Variants in PBX3 observed in about 807,000 individuals in gnomAD.
PBX3 encodes PBX homeobox 3.
PBX3 carries 14 observed loss-of-function variants against 48.5 expected under a neutral mutation model. That is an observed-to-expected ratio of 0.29 (90% CI 0.19 to 0.45). The LOEUF is 0.45. Ranked by LOEUF, PBX3 falls within the 20% of genes least tolerant of loss-of-function variation. The probability of loss-of-function intolerance (pLI) is 1.00; values close to 1 mark genes in which losing one functional copy is unlikely to be tolerated. For synonymous variants in PBX3, 210 were observed against 200.3 expected (o/e 1.05, Z -0.41); for missense variants, 386 against 546.7 (o/e 0.71, Z 2.93).
Position 125,780,172 on chromosome 9 carries a change from C to T in PBX3, c.274+31549C>T, listed in dbSNP as rs577578373. 5.1e-5 allele frequency among the ~76,000 whole-genome samples: 7 copies of T among 136,548 alleles called. No homozygotes were observed. The East Asian group carries it at 7.8e-4, about 15-fold the overall frequency. The allele number at this position is 136,548 out of a possible 152,430, so 89.6% of individuals were successfully genotyped here. A position where few individuals can be genotyped will look rare whatever the true frequency, so the allele number is the denominator to read the frequency against. The stretch of plus-strand genomic sequence containing the variant: ...GGCGCCCCTCACCTCCCGGACGGGG[C>T]GGCTGGCCGGGCGAGGTGCTGATCC... On this transcript the variant is annotated intron_variant, in intron 2 of 8. Transcript: ENST00000373489.
intron 3 of PBX3, among the ~76,000 whole-genome samples, chr9:125,921,608 T>C (rs185309725): frequency 2.6e-5 from 4 of 152,200 alleles, no homozygotes; most frequent in Admixed American, 2.0e-4. Context: ...AGGTAAGAAG[T>C]GTTGAGGTAC....
In PBX3 at chr9:125,845,334, A is replaced by G. The variant is rs1433324100; in HGVS notation, c.275-70352A>G. On this transcript the variant is annotated intron_variant, in intron 2 of 8. Coordinates refer to ENST00000373489, the MANE Select transcript of PBX3 (RefSeq NM_006195.6). ...ATAGTTTTCTTTTTAGGATGCATAC[A>G]GTTGCATACATTACGCTTTGAAAAA... Among the ~76,000 whole-genome samples the G allele has an allele frequency of 3.9e-5, 6 of 152,094 alleles. No homozygotes were observed. The East Asian group carries it at 1.2e-3, about 29-fold the overall frequency.
chr9:125,790,843 C>T (rs113896217), intron 2 of PBX3, among the ~76,000 whole-genome samples: 12 of 152,094 alleles, frequency 7.9e-5, no homozygotes, highest in South Asian at 2.1e-4. Flanking sequence ...TGTGAGCCAC[C>T]GTTCCCTGCT....
At chr9:125,915,537 C>A in intron 2 of PBX3, 149 bp from the exon 3 acceptor site, 4 of 616,666 alleles carry the variant, frequency 6.5e-6, no homozygotes, top group Non-Finnish European at 8.3e-6. Context: ...TTCAAACTTA[C>A]CGATCAAATG....
intron 5 of PBX3, among the ~76,000 whole-genome samples, chr9:125,948,171 T>C (rs1478419878): frequency 6.6e-6 from 1 of 152,194 alleles, no homozygotes; most frequent in Non-Finnish European, 1.5e-5. Flanking sequence ...ATGCTGATGC[T>C]GATGGTTCTG....
At position 125,747,381 on chromosome 9, in the gene PBX3, T is replaced by TCGCCGC. The variant is rs1484381984; in HGVS notation, c.-71_-70insCCGCCG. The stretch of plus-strand genomic sequence containing the variant: ...CCCTCCCCCTCTTTCTTCTCCTCCC[T>TCGCCGC]CGTCGCCGCCGCCGCCGCCGCCGCC... On this transcript the variant is annotated 5_prime_UTR_variant, in exon 1 of 9. Transcript: ENST00000373489. The TCGCCGC allele has an allele frequency of 3.7e-5, 13 of 350,924 alleles. No individual in the cohort carries two copies. The highest frequency in any genetic ancestry group is 4.7e-5 in the Non-Finnish European group (12 of 256,206). 21.7% of individuals were successfully genotyped at this position (350,924 alleles called of 1,614,324 possible).
intron 2 of PBX3, among the ~76,000 whole-genome samples, chr9:125,896,681 C>G (rs939827781): frequency 1.3e-5 from 2 of 151,954 alleles, no homozygotes; most frequent in Non-Finnish European, 2.9e-5. Flanking sequence ...CTGTCAAGAG[C>G]CATCACACTC....
At chr9:125,776,288 G>GT (rs1837068560) in intron 2 of PBX3, among the ~76,000 whole-genome samples, 1 of 151,426 alleles carries the variant, frequency 6.6e-6, no homozygotes, top group African/African-American at 2.4e-5. Context: ...TTTTCTGAGT[G>GT]TTTTTATCAT....
chr9:125,934,036 A>G (rs900096041), intron 4 of PBX3, among the ~76,000 whole-genome samples: 6 of 152,046 alleles, frequency 3.9e-5, no homozygotes, highest in African/African-American at 1.4e-4. Context: ...GTCTTCCCTT[A>G]CCACCTCCCC....
chr9:125,926,336 A>G (rs1034529076), intron 3 of PBX3, among the ~76,000 whole-genome samples: 11 of 151,954 alleles, frequency 7.2e-5, no homozygotes, highest in African/African-American at 2.7e-4. Flanking sequence ...CCTGGCCAAC[A>G]TGGTAAAACC....
intron 2 of PBX3, among the ~76,000 whole-genome samples, chr9:125,813,895 T>A (rs1338928000): frequency 6.7e-6 from 1 of 149,910 alleles, no homozygotes; most frequent in African/African-American, 2.5e-5. Flanking sequence ...CCGGGCACGG[T>A]GGCTCATACC....
Position 125,748,543 on chromosome 9 carries a change from T to A in PBX3, c.201-7T>A. 1 of 1,613,482 alleles carries A rather than the reference T, an allele frequency of 6.2e-7. No homozygotes were observed. Among genetic ancestry groups the A allele is most frequent in the Non-Finnish European group, 8.5e-7 (1 of 1,179,624 alleles). ...AATACCTTTGTGTTTCGTTATTTGT[T>A]TTTTAGGAAACATGCCCTGAACTGT... On this transcript the variant is annotated splice_region_variant and splice_polypyrimidine_tract_variant and intron_variant, in intron 1 of 8. Coordinates refer to ENST00000373489, the MANE Select transcript of PBX3 (RefSeq NM_006195.6).
chr9:125,810,547 CT>C (rs1838260609), intron 2 of PBX3, among the ~76,000 whole-genome samples: 1 of 152,086 alleles, frequency 6.6e-6, no homozygotes, highest in African/African-American at 2.4e-5. Flanking sequence ...TTGAGTGGAA[CT>C]TTTTGGCCAG....
chr9:125,964,381 A>G (rs1842489384), intron 8 of PBX3, among the ~76,000 whole-genome samples: 1 of 152,210 alleles, frequency 6.6e-6, no homozygotes, highest in African/African-American at 2.4e-5. Flanking sequence ...TTTCCTAAGT[A>G]GATTTTCATA....
intron 2 of PBX3, among the ~76,000 whole-genome samples, chr9:125,897,618 A>G (rs2132407463): frequency 6.6e-6 from 1 of 151,930 alleles, no homozygotes; most frequent in Admixed American, 6.6e-5. Flanking sequence ...TCACATGTCT[A>G]AAAAACCACA....
At chr9:125,761,628 G>A (rs1836669968) in intron 2 of PBX3, among the ~76,000 whole-genome samples, 1 of 151,974 alleles carries the variant, frequency 6.6e-6, no homozygotes, top group African/African-American at 2.4e-5. Flanking sequence ...ATTTTAAAAA[G>A]TCAAAACAAT....
intron 2 of PBX3, among the ~76,000 whole-genome samples, chr9:125,824,527 A>G (rs916556099): frequency 6.6e-6 from 1 of 152,206 alleles, no homozygotes; most frequent in African/African-American, 2.4e-5. Flanking sequence ...CAGGTGTCTC[A>G]AAGGACAAGA....
intron 2 of PBX3, among the ~76,000 whole-genome samples, chr9:125,841,826 CAT>C (rs1282845668): frequency 6.6e-6 from 1 of 152,104 alleles, no homozygotes; most frequent in Non-Finnish European, 1.5e-5. Flanking sequence ...ATTTCAGAAA[CAT>C]GTAGTAAACT....
intron 2 of PBX3, among the ~76,000 whole-genome samples, chr9:125,876,834 G>C (rs1210261336): frequency 6.7e-6 from 1 of 149,362 alleles, no homozygotes; most frequent in Non-Finnish European, 1.5e-5. Flanking sequence ...ACGAAGGCTG[G>C]AGTGCAGTGG....
Sources: gnomAD v4.1 joint callset for allele counts (sites outside exome capture counted in the v4.1 genomes callset) on GRCh38, gnomAD v4.1.1 for gene constraint, MANE v1.5 for transcripts, NCBI Gene and HGNC (gene_info 2026-07-23, HGNC 2026-07-21) for gene names.